Variants in CLDN16 observed in about 807,000 individuals in gnomAD.
CLDN16 encodes the protein claudin-16.
CLDN16 carries 13 observed loss-of-function variants against 24.6 expected under a neutral mutation model. The ratio of observed to expected loss-of-function variants is 0.53; its 90% confidence interval spans 0.34 to 0.84. The LOEUF (loss-of-function observed/expected upper bound fraction) is 0.84. Ranked by LOEUF, CLDN16 falls within the 40% of genes least tolerant of loss-of-function variation. The probability of loss-of-function intolerance (pLI) is 0.01; values close to 1 mark genes in which losing one functional copy is unlikely to be tolerated. For missense variants in CLDN16, 298 were observed against 292.7 expected, an observed-to-expected ratio of 1.02 and a Z score of -0.13; for synonymous variants, 116 against 106.7, an observed-to-expected ratio of 1.09 and a Z score of -0.54.
chr3:190,400,847 A>C (rs1444127472), intron 1 of CLDN16, among the ~76,000 whole-genome samples: 1 of 152,158 alleles, frequency 6.6e-6, no homozygotes, highest in Non-Finnish European at 1.5e-5. Flanking sequence ...TTGTTGGATC[A>C]TAAAGAATGG....
chr3:190,345,567 AG>A (rs1367589062), intron 1 of CLDN16, among the ~76,000 whole-genome samples: 1 of 152,166 alleles, frequency 6.6e-6, no homozygotes, highest in African/African-American at 2.4e-5. Flanking sequence ...TATTTTTTAC[AG>A]GCCTAGCTCC....
chr3:190,314,456 G>A, the CLDN16 span, among the ~76,000 whole-genome samples: 1 of 152,048 alleles, frequency 6.6e-6, no homozygotes, highest in Non-Finnish European at 1.5e-5. Flanking sequence ...GTGCAGTGGT[G>A]CGATATGGGC....
chr3:190,337,819 T>C (rs1386862509), intron 1 of CLDN16, among the ~76,000 whole-genome samples: 2 of 152,170 alleles, frequency 1.3e-5, no homozygotes, highest in Non-Finnish European at 2.9e-5. Flanking sequence ...TCTCATACAA[T>C]ATCACTTCAG....
At chr3:190,296,581 G>C in the CLDN16 span, among the ~76,000 whole-genome samples, 1 of 140,708 alleles carries the variant, frequency 7.1e-6, no homozygotes, top group African/African-American at 2.7e-5. Flanking sequence ...ACGGAGCCTC[G>C]CTCTGTCGCC....
intron 3 of CLDN16, among the ~76,000 whole-genome samples, chr3:190,382,150 C>T (rs1323672293): frequency 6.6e-6 from 1 of 151,914 alleles, no homozygotes; most frequent in African/African-American, 2.4e-5. Context: ...AGGTTTTATG[C>T]CAGAATGACT....
intron 1 of CLDN16, among the ~76,000 whole-genome samples, chr3:190,364,608 A>G (rs1482502836): frequency 6.6e-6 from 1 of 151,762 alleles, no homozygotes; most frequent in Admixed American, 6.6e-5. Flanking sequence ...GGGGATTTCT[A>G]CTGTGGTTCT....
intron 1 of CLDN16, among the ~76,000 whole-genome samples, chr3:190,342,453 A>G (rs1717459541): frequency 6.6e-6 from 1 of 152,094 alleles, no homozygotes; most frequent in Non-Finnish European, 1.5e-5. Flanking sequence ...AAGCAAAAAG[A>G]CAATCTGATT....
At chr3:190,339,911 A>G (rs1019811633) in intron 1 of CLDN16, among the ~76,000 whole-genome samples, 1 of 152,244 alleles carries the variant, frequency 6.6e-6, no homozygotes, top group Non-Finnish European at 1.5e-5. Context: ...CACAAAAGTC[A>G]GCAGTTAAAT....
chr3:190,402,763 G>A (rs1577429673), intron 2 of CLDN16, among the ~76,000 whole-genome samples: 1 of 152,154 alleles, frequency 6.6e-6, no homozygotes, highest in East Asian at 1.9e-4. Context: ...AACTCTTTAG[G>A]GTGCTGTAAT....
intron 3 of CLDN16, among the ~76,000 whole-genome samples, chr3:190,406,944 G>T (rs1057148254): frequency 5.9e-5 from 9 of 151,962 alleles, no homozygotes; most frequent in African/African-American, 2.2e-4. Context: ...GTTTCACCAT[G>T]TTGGCCAGGA....
chr3:190,320,422 T>C (rs1192324797), upstream of CLDN16, among the ~76,000 whole-genome samples: 1 of 152,160 alleles, frequency 6.6e-6, no homozygotes, highest in Non-Finnish European at 1.5e-5. Context: ...AGAAATTCAA[T>C]AATTATTACC....
the CLDN16 span, among the ~76,000 whole-genome samples, chr3:190,310,956 C>T: frequency 6.6e-6 from 1 of 152,008 alleles, no homozygotes; most frequent in African/African-American, 2.4e-5. Flanking sequence ...GTATAAAATA[C>T]TTCATTTTTT....
intron 1 of CLDN16, among the ~76,000 whole-genome samples, chr3:190,324,043 T>C (rs1189281269): frequency 6.6e-6 from 1 of 152,206 alleles, no homozygotes; most frequent in African/African-American, 2.4e-5. Flanking sequence ...ATCAATCACA[T>C]TTGATTTTGT....
chr3:190,341,399 G>T (rs1265249753), intron 1 of CLDN16, among the ~76,000 whole-genome samples: 1 of 152,186 alleles, frequency 6.6e-6, no homozygotes, highest in Non-Finnish European at 1.5e-5. Context: ...GGTGGAAGCT[G>T]CCAAGGTTTG....
upstream of CLDN16, among the ~76,000 whole-genome samples, chr3:190,383,267 T>A (rs1459405288): frequency 6.6e-6 from 1 of 152,164 alleles, no homozygotes; most frequent in Non-Finnish European, 1.5e-5. Flanking sequence ...GTACCACTTT[T>A]ATGTCACCAC....
At chr3:190,391,256 TAGA>T (rs963436282) in intron 1 of CLDN16, among the ~76,000 whole-genome samples, 2 of 151,016 alleles carry the variant, frequency 1.3e-5, no homozygotes, top group African/African-American at 2.4e-5. Flanking sequence ...GCACGGGATT[TAGA>T]AGAAGAGTTT....
chr3:190,312,784 A>T, the CLDN16 span: 1 of 1,480,212 alleles, frequency 6.8e-7, no homozygotes, highest in African/African-American at 1.4e-5. Flanking sequence ...TAGAGACTGA[A>T]ATCAAGTATA....
upstream of CLDN16, among the ~76,000 whole-genome samples, chr3:190,383,295 G>A (rs548216574): frequency 2.0e-5 from 3 of 152,212 alleles, no homozygotes; most frequent in South Asian, 6.2e-4. Flanking sequence ...GCAGACACTG[G>A]GAGTTCTTGA....
intron 1 of CLDN16, among the ~76,000 whole-genome samples, chr3:190,354,960 G>A (rs1024002124): frequency 1.3e-5 from 2 of 151,970 alleles, no homozygotes; most frequent in African/African-American, 4.8e-5. Context: ...CTAACAAGTG[G>A]TTTGGCTCAC....
Sources: allele counts gnomAD v4.1 joint callset (sites outside exome capture counted in the v4.1 genomes callset), GRCh38; gene constraint gnomAD v4.1.1; transcripts MANE v1.5; gene names NCBI Gene and HGNC (gene_info 2026-07-23, HGNC 2026-07-21).